Variants in PALM2AKAP2 observed in about 807,000 individuals in gnomAD.
PALM2AKAP2 encodes PALM2-AKAP2 fusion protein.
PALM2AKAP2 carries 37 observed loss-of-function variants against 71.5 expected under a neutral mutation model. That is an observed-to-expected ratio of 0.52 (90% CI 0.40 to 0.68). The LOEUF is 0.68. Among genes scored for constraint, PALM2AKAP2 ranks in the 30% least tolerant of loss-of-function variants. The probability of loss-of-function intolerance (pLI) is 0.00; values close to 1 mark genes in which losing one functional copy is unlikely to be tolerated. For missense variants in PALM2AKAP2, 1,224 were observed against 1,191.8 expected (o/e 1.03, Z -0.40); for synonymous variants, 468 against 478.8 (o/e 0.98, Z 0.29).
chr9:109,934,707 G>C (rs1564219055), intron 6 of PALM2AKAP2, among the ~76,000 whole-genome samples: 1 of 152,170 alleles, frequency 6.6e-6, no homozygotes. Context: ...GTTTTGAAAG[G>C]CCTCAAAGTC....
intron 1 of PALM2AKAP2, among the ~76,000 whole-genome samples, chr9:109,653,959 A>G (rs1419166572): frequency 6.6e-6 from 1 of 152,336 alleles, no homozygotes; most frequent in South Asian, 2.1e-4. Flanking sequence ...TTACATGTGG[A>G]TAGGCAAAGT....
rs147536473 is a variant in PALM2AKAP2, at chr9:109,654,175, G to A, written c.5+13309G>A. 2.7e-3 allele frequency among the ~76,000 whole-genome samples: 408 copies of A among 152,192 alleles called. 2 individuals are homozygous for A. The highest frequency in any genetic ancestry group is 9.3e-3 in the African/African-American group (386 of 41,524). On this transcript the variant is annotated intron_variant, in intron 1 of 6. Coordinates refer to the PALM2AKAP2 transcript ENST00000374531. Reference sequence around the variant, plus strand: ...TGTTTATGGCCTCATGTGGCTGTAAGCCATAATATCTTGGTATAAATCTCT... The same window carrying A: ...TGTTTATGGCCTCATGTGGCTGTAAACCATAATATCTTGGTATAAATCTCT...
At chr9:110,105,503 C>T (rs2118901629) in intron 1 of PALM2AKAP2, among the ~76,000 whole-genome samples, 1 of 152,296 alleles carries the variant, frequency 6.6e-6, no homozygotes, top group Non-Finnish European at 1.5e-5. Flanking sequence ...CATTACTTAT[C>T]CAACATGTGC....
In PALM2AKAP2 at chr9:109,658,243, G is replaced by T. The variant is rs192630084; in HGVS notation, c.5+17377G>T. On this transcript the variant is annotated intron_variant, in intron 1 of 6. Coordinates refer to the PALM2AKAP2 transcript ENST00000374531. ...ACTGGGGAATCGTTAGTCCATGGAT[G>T]GTGTTTAAGGCCATGGGATGAATGA... Among the ~76,000 whole-genome samples the T allele has an allele frequency of 5.3e-4, 81 of 152,148 alleles. No individual in the cohort carries two copies. In the South Asian group the frequency reaches 5.8e-3, roughly 11 times the overall value.
intron 1 of PALM2AKAP2, among the ~76,000 whole-genome samples, chr9:110,102,557 T>A (rs983385839): frequency 6.6e-6 from 1 of 152,040 alleles, no homozygotes; most frequent in Non-Finnish European, 1.5e-5. Flanking sequence ...GCCATGGAGT[T>A]GTTATCCCAA....
At chr9:109,901,586 C>T (rs1350778235) in intron 3 of PALM2AKAP2, among the ~76,000 whole-genome samples, 1 of 152,190 alleles carries the variant, frequency 6.6e-6, no homozygotes. Context: ...AAACAGCTCA[C>T]AGGGGCCTCT....
chr9:110,087,426 C>T (rs530773907), intron 1 of PALM2AKAP2, among the ~76,000 whole-genome samples: 1 of 152,202 alleles, frequency 6.6e-6, no homozygotes, highest in Non-Finnish European at 1.5e-5. Flanking sequence ...CAGTTGCAAT[C>T]ATTTGTTCAG....
At chr9:109,813,609 G>C (rs1827778893) in intron 1 of PALM2AKAP2, among the ~76,000 whole-genome samples, 1 of 152,142 alleles carries the variant, frequency 6.6e-6, no homozygotes. Context: ...CCCAGAGCAT[G>C]GGTCTTGAAG....
chr9:110,092,956 A>C (rs534986956), intron 1 of PALM2AKAP2, among the ~76,000 whole-genome samples: 10 of 152,268 alleles, frequency 6.6e-5, no homozygotes, highest in Admixed American at 6.5e-4. Flanking sequence ...GGTGAGCGGC[A>C]GTGCTCTGAT....
intron 6 of PALM2AKAP2, among the ~76,000 whole-genome samples, chr9:109,965,617 C>T (rs968902017): frequency 6.6e-6 from 1 of 152,116 alleles, no homozygotes; most frequent in Admixed American, 6.5e-5. Flanking sequence ...TACAGAATTT[C>T]AGTTTGGGAT....
intron 1 of PALM2AKAP2, among the ~76,000 whole-genome samples, chr9:109,853,992 G>C (rs1436782873): frequency 4.6e-5 from 7 of 152,194 alleles, no homozygotes; most frequent in Non-Finnish European, 1.0e-4. Flanking sequence ...GACTAGAGCA[G>C]GGCTCAGCCA....
At chr9:109,729,455 T>G (rs1306193578) in intron 1 of PALM2AKAP2, among the ~76,000 whole-genome samples, 4 of 152,204 alleles carry the variant, frequency 2.6e-5, no homozygotes, top group Non-Finnish European at 5.9e-5. Context: ...CATTAGATGA[T>G]TCTATGATTC....
At chr9:110,030,707 A>G (rs1397319272) in intron 7 of PALM2AKAP2, among the ~76,000 whole-genome samples, 1 of 152,186 alleles carries the variant, frequency 6.6e-6, no homozygotes, top group East Asian at 1.9e-4. Flanking sequence ...CCCATTCTCT[A>G]GTGGCCTGCC....
At chr9:110,045,890 A>G (rs146036425), upstream of PALM2AKAP2, among the ~76,000 whole-genome samples, 139 of 152,224 alleles carry the variant, frequency 9.1e-4, no homozygotes, top group African/African-American at 3.1e-3. Context: ...TTTAACAAGC[A>G]CTATCTGTGG....
intron 1 of PALM2AKAP2, among the ~76,000 whole-genome samples, chr9:110,053,747 G>A (rs1833768590): frequency 6.6e-6 from 1 of 152,050 alleles, no homozygotes; most frequent in South Asian, 2.1e-4. Context: ...CTTCTTTTGA[G>A]TAGGTTTGAG....
Position 110,156,516 on chromosome 9 carries a change from C to T in PALM2AKAP2, c.2748+19C>T, listed in dbSNP as rs774860000. On this transcript the variant is annotated intron_variant, in intron 3 of 3. Transcript: ENST00000374525. ...TAGTAGTGTAAGTTTTTCCTCCTTT[C>T]CTCTTTCACTTCTCTGAGCGCGGCC... The T allele has an allele frequency of 1.9e-6, 3 of 1,583,212 alleles. No individual in the cohort carries two copies. The highest frequency in any genetic ancestry group is 2.6e-6 in the Non-Finnish European group (3 of 1,161,524).
chr9:109,778,693 A>C (rs1022819823), upstream of PALM2AKAP2, among the ~76,000 whole-genome samples: 1 of 152,160 alleles, frequency 6.6e-6, no homozygotes, highest in Non-Finnish European at 1.5e-5. Flanking sequence ...AACCTCTGTG[A>C]AAATTGAAAG....
intron 1 of PALM2AKAP2, among the ~76,000 whole-genome samples, chr9:109,712,378 T>G (rs1828255752): frequency 1.3e-5 from 2 of 152,236 alleles, no homozygotes; most frequent in Admixed American, 6.5e-5. Context: ...ATATTTCTTT[T>G]GCAAGGAGGC....
At chr9:109,742,248 TATTCACACACACAC>T (rs1828725725) in intron 1 of PALM2AKAP2, among the ~76,000 whole-genome samples, 1 of 139,934 alleles carries the variant, frequency 7.1e-6, no homozygotes, top group African/African-American at 2.7e-5. Context: ...ACATGTGATG[TATTCACACACACAC>T]ACACACACAC....
Sources: gnomAD v4.1 joint callset for allele counts (sites outside exome capture counted in the v4.1 genomes callset) on GRCh38, gnomAD v4.1.1 for gene constraint, MANE v1.5 for transcripts, NCBI Gene and HGNC (gene_info 2026-07-23, HGNC 2026-07-21) for gene names.